USP34: variants seen among roughly 807,000 people sequenced by gnomAD.
The protein encoded by USP34 is ubiquitin carboxyl-terminal hydrolase 34.
In USP34, 70 loss-of-function variants were observed where a neutral mutation model predicts 460.3. The ratio of observed to expected loss-of-function variants is 0.15; its 90% CI spans 0.13 to 0.19. USP34 has a LOEUF of 0.19. USP34 is among the 10% of genes least tolerant of loss of function. The probability of loss-of-function intolerance (pLI) is 1.00; values close to 1 mark genes in which losing one functional copy is unlikely to be tolerated. For missense variants in USP34, 3,985 were observed against 4,236.2 expected, an observed-to-expected ratio of 0.94 and a Z score of 1.65; for synonymous variants, 1,647 against 1,405.3, an observed-to-expected ratio of 1.17 and a Z score of -3.85.
At position 61,256,918 on chromosome 2, in the gene USP34, C is replaced by T; in HGVS notation, c.6081G>A (p.Glu2027=). The T allele has an allele frequency of 2.6e-6, 4 of 1,566,454 alleles. No homozygotes were observed. The South Asian group carries it at 3.8e-5, about 15-fold the overall frequency. Residue 2027 remains glutamate, a synonymous_variant, in exon 47 of 80, where the codon GAG becomes GAA. Coordinates refer to ENST00000398571, the MANE Select transcript of USP34 (RefSeq NM_014709.4). Reference sequence around the variant, plus strand: ...CCACTTGGCACCTCACAGTATAAAACTCTTCAGCAGTTTGACTAACATGTT... The same window carrying T: ...CCACTTGGCACCTCACAGTATAAAATTCTTCAGCAGTTTGACTAACATGTT... The part of the protein sequence containing the change: ...DCEHVSQTAE[E]FYTVRCQVAD...
intron 1 of USP34, among the ~76,000 whole-genome samples, chr2:61,442,572 A>G (rs1423537570): frequency 6.6e-6 from 1 of 152,190 alleles, no homozygotes; most frequent in Non-Finnish European, 1.5e-5. Flanking sequence ...ATCTTACCCC[A>G]GTTAGGATAG....
chr2:61,314,649 T>C lies in USP34; in HGVS notation c.3478A>G (p.Ser1160Gly). ...SSSLEQESHS[S>G]LMVIERGLLM... ...AGTCCTCTTTCTATAACCATGAGAC[T>C]TGAGTGTGATTCCTGTTCAAGACTG... Residue 1160 changes from serine (S) to glycine (G), a missense_variant, in exon 25 of 80, where the codon AGT (serine) becomes GGT (glycine). This residue lies in a region of USP34 where 1,114 missense variants were observed against 1,122.5 expected (regional missense o/e 0.99). Transcript: ENST00000398571. The C allele has an allele frequency of 1.9e-6, 3 of 1,603,292 alleles. No individual in the cohort carries two copies. The highest frequency in any genetic ancestry group is 2.5e-6 in the Non-Finnish European group (3 of 1,176,606).
intron 21 of USP34, among the ~76,000 whole-genome samples, chr2:61,322,171 G>A (rs560086237): frequency 3.6e-4 from 55 of 152,090 alleles, no homozygotes; most frequent in Middle Eastern, 3.4e-3. Flanking sequence ...TGGAGGTTGC[G>A]GTGAGCCAAG....
At chr2:61,198,414 C>A (rs183704433) in intron 75 of USP34, among the ~76,000 whole-genome samples, 117 of 152,280 alleles carry the variant, frequency 7.7e-4, no homozygotes, top group African/African-American at 2.8e-3. Context: ...TTACCCATTA[C>A]AACCAAAGTG....
intron 37 of USP34, among the ~76,000 whole-genome samples, chr2:61,282,047 T>C (rs2103958563): frequency 6.6e-6 from 1 of 152,226 alleles, no homozygotes; most frequent in East Asian, 1.9e-4. Flanking sequence ...TGGAGTGCAG[T>C]GGTGCGATCT....
chr2:61,316,119 T>C (rs774001868), intron 23 of USP34, among the ~76,000 whole-genome samples: 6 of 151,652 alleles, frequency 4.0e-5, no homozygotes, highest in Admixed American at 6.6e-5. Context: ...AGCAAGAGAA[T>C]TGGTTGAACC....
intron 1 of USP34, among the ~76,000 whole-genome samples, chr2:61,437,814 T>TAAATAAATA (rs1191482540): frequency 5.3e-5 from 8 of 150,014 alleles, no homozygotes; most frequent in African/African-American, 2.0e-4. Flanking sequence ...AATAAATAAA[T>TAAATAAATA]AAAAAACCTG....
At chr2:61,304,523 G>A (rs950263526) in intron 27 of USP34, among the ~76,000 whole-genome samples, 2 of 152,208 alleles carry the variant, frequency 1.3e-5, no homozygotes, top group Non-Finnish European at 2.9e-5. Context: ...TAGATATCAG[G>A]CAGAGTCCTC....
chr2:61,339,337 A>T lies in USP34; in HGVS notation c.2744+14T>A, dbSNP rs887664676. On this transcript the variant is annotated intron_variant, in intron 18 of 79. Transcript: ENST00000398571. ...TTTGACTACTGCATTAAAAATTTTT[A>T]AATTCCTCTTTACCTGTTGTTTCCC... 2.5e-6 allele frequency: 4 copies of T among 1,597,542 alleles called. No individual in the cohort carries two copies. The highest frequency in any genetic ancestry group is 1.7e-4 in the Middle Eastern group (1 of 5,980).
chr2:61,281,561 T>C (rs1185123553), intron 37 of USP34, among the ~76,000 whole-genome samples: 1 of 152,210 alleles, frequency 6.6e-6, no homozygotes, highest in Non-Finnish European at 1.5e-5. Context: ...AGTGAGCTGA[T>C]ATGCCACTGC....
chr2:61,375,768 C>CAAAAAAAAAAAA (rs56304309), intron 8 of USP34, among the ~76,000 whole-genome samples: 1,145 of 80,678 alleles, frequency 0.014, 35 homozygotes, highest in East Asian at 0.024. Flanking sequence ...GACTCTGTCT[C>CAAAAAAAAAAAA]AAAAAAAAAA....
chr2:61,291,428 A>G (rs1257827153), intron 33 of USP34, among the ~76,000 whole-genome samples: 2 of 152,152 alleles, frequency 1.3e-5, no homozygotes, highest in African/African-American at 4.8e-5. Context: ...CAGAAACTGC[A>G]CTCTATACCC....
intron 75 of USP34, chr2:61,200,539 T>G (rs935797982): frequency 2.0e-5 from 3 of 152,326 alleles, no homozygotes; most frequent in African/African-American, 7.2e-5. Context: ...GTTGCCCATA[T>G]AAAAATTACC....
intron 1 of USP34, among the ~76,000 whole-genome samples, chr2:61,437,046 G>C (rs1291388114): frequency 6.6e-6 from 1 of 152,182 alleles, no homozygotes; most frequent in Non-Finnish European, 1.5e-5. Context: ...CAAAAGCGGT[G>C]CACTGCTAAG....
intron 6 of USP34, among the ~76,000 whole-genome samples, chr2:61,381,517 A>C (rs778153): frequency 6.6e-6 from 1 of 151,690 alleles, no homozygotes; most frequent in Non-Finnish European, 1.5e-5. Flanking sequence ...TTTCTTCTGC[A>C]CAGAGATGGA....
intron 5 of USP34, among the ~76,000 whole-genome samples, chr2:61,385,231 A>G (rs148769774): frequency 6.6e-6 from 1 of 152,344 alleles, no homozygotes; most frequent in East Asian, 1.9e-4. Context: ...ATTAAACAAC[A>G]TGTAAATAAG....
chr2:61,339,117 G>A (rs546910339), intron 18 of USP34, among the ~76,000 whole-genome samples: 60 of 152,082 alleles, frequency 3.9e-4, no homozygotes, highest in African/African-American at 1.4e-3. Flanking sequence ...GTTTCTGTTG[G>A]GTGGATCTAA....
rs1298370460 is a variant in USP34, at chr2:61,304,633, G to C, written c.3818-3179C>G. ...GCAATAAAGCACTATCTATGAGAAA[G>C]CTGTCACTTGACACTGAATCTGCTG... On this transcript the variant is annotated intron_variant, in intron 27 of 79. Coordinates refer to ENST00000398571, the MANE Select transcript of USP34 (RefSeq NM_014709.4). Among the ~76,000 whole-genome samples the C allele has an allele frequency of 7.9e-5, 12 of 152,190 alleles. 1 individual carries two copies. Among genetic ancestry groups the C allele is most frequent in the Admixed American group, 7.8e-4 (12 of 15,290 alleles).
intron 27 of USP34, 85 bp from the exon 28 acceptor site, chr2:61,301,539 A>G (rs1393179872): frequency 8.7e-7 from 1 of 1,148,498 alleles, no homozygotes; most frequent in Admixed American, 2.0e-5. Flanking sequence ...TAGCAATTAA[A>G]CACACTGTAT....
Sources: allele counts gnomAD v4.1 joint callset (sites outside exome capture counted in the v4.1 genomes callset), GRCh38; gene constraint gnomAD v4.1.1; regional missense constraint gnomAD v4.1.1; transcripts MANE v1.5; gene names NCBI Gene and HGNC (gene_info 2026-07-23, HGNC 2026-07-21).